GTF2H3: variants seen among roughly 807,000 people sequenced by gnomAD.
GTF2H3 encodes general transcription factor IIH subunit 3.
A neutral mutation model predicts 51.1 loss-of-function variants in GTF2H3; 42 were observed. That is an observed-to-expected ratio of 0.82 (90% confidence interval 0.64 to 1.06). The LOEUF is 1.06. Among genes scored for constraint, GTF2H3 ranks in the 50% least tolerant of loss-of-function variants. GTF2H3 has a pLI of 0.00. For missense variants in GTF2H3, 326 were observed against 366.1 expected (o/e 0.89, Z 0.89); for synonymous variants, 123 against 123.8 (o/e 0.99, Z 0.04).
At chr12:123,655,077 A>C (rs113029772) in intron 8 of GTF2H3, 79 bp downstream of exon 8, 3 of 1,048,500 alleles carry the variant, frequency 2.9e-6, no homozygotes, top group Non-Finnish European at 4.5e-6. Flanking sequence ...CTCTACTCTG[A>C]GGTATTCTGA....
At chr12:123,659,641 C>G in intron 10 of GTF2H3, 57 bp downstream of exon 10, 1 of 1,561,442 alleles carries the variant, frequency 6.4e-7, no homozygotes, top group Non-Finnish European at 8.8e-7. Flanking sequence ...CCTCTGTGTC[C>G]TGGGAAAGGA....
At chr12:123,651,097 A>G in intron 5 of GTF2H3, 41 bp downstream of exon 5, 1 of 1,398,094 alleles carries the variant, frequency 7.2e-7, no homozygotes, top group South Asian at 1.2e-5. Flanking sequence ...TGTCTTCTGT[A>G]ATAAACATAT....
Position 123,661,640 on chromosome 12 carries a change from CA to C in GTF2H3, c.*1417del, listed in dbSNP as rs75226670. 98 of 132,692 alleles carry C rather than the reference CA, an allele frequency of 7.4e-4. No homozygotes were observed. Among genetic ancestry groups the C allele is most frequent in the Middle Eastern group, 7.8e-3 (2 of 256 alleles). The allele number at this position is 132,692 out of a possible 1,614,324, so 8.2% of individuals were successfully genotyped here. A position where few individuals can be genotyped will look rare whatever the true frequency, so the allele number is the denominator to read the frequency against. On this transcript the variant is annotated 3_prime_UTR_variant, in exon 13 of 13. Coordinates refer to ENST00000543341, the MANE Select transcript of GTF2H3 (RefSeq NM_001516.5). ...TGGGTGACAGAGCGAGACTCTGTAT[CA>C]AAAAAAAAAAAGATCGGGCACGTTG...
intron 7 of GTF2H3, among the ~76,000 whole-genome samples, chr12:123,654,281 G>A (rs1258803979): frequency 3.6e-5 from 3 of 82,306 alleles, no homozygotes; most frequent in African/African-American, 5.1e-5. Context: ...ATTTTGGGGG[G>A]TATGTTTTGG....
In GTF2H3 at chr12:123,648,792, G is replaced by A. The variant is rs568494139; in HGVS notation, c.364+666G>A. On this transcript the variant is annotated intron_variant, in intron 4 of 12. Transcript: ENST00000543341. ...GCCTCAGAAGTGTCTCCAGAATCCC[G>A]CTCCTTATTGTCATCTTTTTATTTT... Among the ~76,000 whole-genome samples the A allele has an allele frequency of 5.9e-5, 9 of 152,204 alleles. No individual in the cohort carries two copies. In the South Asian group the frequency reaches 1.0e-3, roughly 18 times the overall value.
intron 9 of GTF2H3, among the ~76,000 whole-genome samples, chr12:123,657,637 C>T (rs1266181555): frequency 6.6e-6 from 1 of 152,210 alleles, no homozygotes; most frequent in Non-Finnish European, 1.5e-5. Context: ...TAACCTATAA[C>T]ATTATTTTTG....
chr12:123,661,151 A>G lies in GTF2H3; in HGVS notation c.*916A>G, dbSNP rs551842478. 1.8e-4 allele frequency: 28 copies of G among 152,292 alleles called. No individual in the cohort carries two copies. The highest frequency in any genetic ancestry group is 3.4e-4 in the Non-Finnish European group (23 of 68,028). The allele number at this position is 152,292 out of a possible 1,614,324, so 9.4% of individuals were successfully genotyped here. On this transcript the variant is annotated 3_prime_UTR_variant, in exon 13 of 13. Transcript: ENST00000543341. ...TACTAAAAATTTAAATGTATTTATT[A>G]AAACTGTTCTCTAGAAGCTTTGGAC... is the stretch of plus-strand genomic sequence containing the variant.
chr12:123,635,269 T>C (rs1955262061), intron 1 of GTF2H3, among the ~76,000 whole-genome samples: 1 of 152,122 alleles, frequency 6.6e-6, no homozygotes. Context: ...TTTGTTTTTC[T>C]ATTAAAAAAG....
intron 3 of GTF2H3, 63 bp from the exon 4 acceptor site, chr12:123,647,900 G>C: frequency 4.9e-6 from 6 of 1,228,456 alleles, no homozygotes; most frequent in Non-Finnish European, 6.9e-6. Flanking sequence ...ATTTCATTCT[G>C]ATCATGAGTG....
chr12:123,658,746 G>A (rs11572998), intron 9 of GTF2H3, among the ~76,000 whole-genome samples: 2,254 of 152,246 alleles, frequency 0.015, 48 homozygotes, highest in African/African-American at 0.052. Flanking sequence ...AAAAATTTTT[G>A]TGCTTCCAAG....
chr12:123,659,963 CTA>C (rs776040724), intron 11 of GTF2H3, 33 bp downstream of exon 11: 3 of 1,604,358 alleles, frequency 1.9e-6, no homozygotes, highest in Non-Finnish European at 2.5e-6. Flanking sequence ...TCTTTTTTTT[CTA>C]TGTTGGGGGG....
chr12:123,636,520 A>G (rs1366528026), intron 1 of GTF2H3, among the ~76,000 whole-genome samples: 1 of 152,266 alleles, frequency 6.6e-6, no homozygotes, highest in Non-Finnish European at 1.5e-5. Context: ...ACATGCCTGT[A>G]ATCCCAACAC....
At chr12:123,649,982 G>A (rs1277381779) in intron 4 of GTF2H3, 1 of 152,192 alleles carries the variant, frequency 6.6e-6, no homozygotes, top group East Asian at 1.9e-4. Context: ...ACTGGATCTA[G>A]GGAGGTCCTG....
rs1411046379 is a variant in GTF2H3 at position 123,659,540 on chromosome 12, T to C, written c.640T>C (p.Tyr214His). 2 of 1,614,064 alleles carry C rather than the reference T, an allele frequency of 1.2e-6. No individual in the cohort carries two copies. Among genetic ancestry groups the C allele is most frequent in the African/African-American group, 2.7e-5 (2 of 74,924 alleles). ...QQACDITGGL[Y>H]LKVPQMPSLL... ...GGCTTGTGACATCACGGGAGGACTG[T>C]ACCTGAAGGTGCCTCAGATGCCTTC... is the stretch of plus-strand genomic sequence containing the variant. The change falls in exon 10 of 13, where the codon TAC becomes CAC. Residue 214 changes from tyrosine to histidine, a missense_variant. Coordinates refer to ENST00000543341, the MANE Select transcript of GTF2H3 (RefSeq NM_001516.5).
At chr12:123,654,794 A>G (rs1362065350) in intron 7 of GTF2H3, 130 bp from the exon 8 acceptor site, 5 of 685,170 alleles carry the variant, frequency 7.3e-6, no homozygotes, top group Admixed American at 2.4e-5. Flanking sequence ...TACTTTAGGT[A>G]TCATTTAACA....
At position 123,659,500 on chromosome 12, in the gene GTF2H3, C is replaced by T. The variant is rs750524688; in HGVS notation, c.616-16C>T. 27 of 1,613,496 alleles carry T rather than the reference C, an allele frequency of 1.7e-5. 1 individual carries two copies. Among genetic ancestry groups the T allele is most frequent in the African/African-American group, 6.7e-5 (5 of 74,914 alleles). On this transcript the variant is annotated splice_polypyrimidine_tract_variant and intron_variant, in intron 9 of 12. Transcript: ENST00000543341. ...GGTAAGTGCGAGTTTGGCAGCAAGC[C>T]GCCTGTGTCTTGCAGGCTTGTGACA...
At chr12:123,647,143 A>G (rs1593802682) in intron 3 of GTF2H3, among the ~76,000 whole-genome samples, 1 of 126,096 alleles carries the variant, frequency 7.9e-6, no homozygotes, top group Non-Finnish European at 1.6e-5. Context: ...ACAGAGCAAG[A>G]CCCTGTCTCA....
chr12:123,637,663 C>G (rs932252253), intron 1 of GTF2H3, among the ~76,000 whole-genome samples: 1 of 151,880 alleles, frequency 6.6e-6, no homozygotes, highest in African/African-American at 2.4e-5. Context: ...CCACCATGCC[C>G]GGCTAATATT....
intron 10 of GTF2H3, 52 bp downstream of exon 10, chr12:123,659,636 G>GTGT (rs1566234995): frequency 1.9e-6 from 3 of 1,567,680 alleles, no homozygotes; most frequent in Non-Finnish European, 8.8e-7. Flanking sequence ...GATGACCTCT[G>GTGT]TGTCCTGGGA....
Sources: gnomAD v4.1 joint callset for allele counts (sites outside exome capture counted in the v4.1 genomes callset) on GRCh38, gnomAD v4.1.1 for gene constraint, MANE v1.5 for transcripts, NCBI Gene and HGNC (gene_info 2026-07-23, HGNC 2026-07-21) for gene names.